Variants in VPS13C observed in about 807,000 individuals in gnomAD.
The protein encoded by VPS13C is intermembrane lipid transfer protein VPS13C.
Under a neutral mutation model 456.8 loss-of-function variants are expected in VPS13C, and 358 were observed. The observed-to-expected ratio is 0.78, with a 90% CI of 0.72 to 0.86. VPS13C has a LOEUF of 0.86. Among genes scored for constraint, VPS13C ranks in the 40% least tolerant of loss-of-function variants. The pLI is 0.00. For synonymous variants in VPS13C, 1,578 were observed against 1,486.7 expected, an observed-to-expected ratio of 1.06 and a Z score of -1.41; for missense variants, 4,818 against 4,385.4, an observed-to-expected ratio of 1.10 and a Z score of -2.79.
In VPS13C at chr15:61,890,376, C is replaced by T. The variant is rs748954378; in HGVS notation, c.9130G>A (p.Asp3044Asn). 1.2e-6 allele frequency: 2 copies of T among 1,613,840 alleles called. No homozygotes were observed. Among genetic ancestry groups the T allele is most frequent in the African/African-American group, 1.3e-5 (1 of 74,902 alleles). The change falls in exon 67 of 85, where the codon GAT becomes AAT. Residue 3044 changes from aspartate to asparagine, a missense_variant. Around this residue, in one of 3 missense-constraint regions of VPS13C, gnomAD observed 4,552 missense variants for 4,130.6 expected, o/e 1.10. Coordinates refer to ENST00000644861, the MANE Select transcript of VPS13C (RefSeq NM_020821.3). The stretch of plus-strand genomic sequence containing the variant: ...ACCCAGTGTATCTGGATGTTTGCAT[C>T]ATATGGAAACTGTCCACATCCATCC... ...LKDGCGQFPY[D>N]ANIQIHWVSF...
At chr15:61,875,194 C>T (rs1362742817) in intron 76 of VPS13C, among the ~76,000 whole-genome samples, 1 of 152,014 alleles carries the variant, frequency 6.6e-6, no homozygotes, top group African/African-American at 2.4e-5. Context: ...AAATCACTGG[C>T]TTCAATTACA....
At chr15:61,991,158 T>C in intron 17 of VPS13C, 64 bp from the exon 18 acceptor site, 1 of 1,209,872 alleles carries the variant, frequency 8.3e-7, no homozygotes, top group South Asian at 1.3e-5. Context: ...CTAAAAAGAC[T>C]AACCAAACTA....
intron 9 of VPS13C, 28 bp downstream of exon 9, chr15:62,020,451 T>C (rs1268889032): frequency 2.6e-5 from 41 of 1,595,184 alleles, no homozygotes; most frequent in Admixed American, 5.2e-5. Flanking sequence ...ACAGGTTCCA[T>C]AGAAGTTTAA....
intron 45 of VPS13C, 34 bp from the exon 46 acceptor site, chr15:61,942,101 G>A: frequency 5.4e-6 from 8 of 1,493,780 alleles, no homozygotes; most frequent in East Asian, 4.6e-5. Flanking sequence ...GGGGAAAAAA[G>A]GCATTTATTT....
At position 61,946,358 on chromosome 15, in the gene VPS13C, T is replaced by A; in HGVS notation, c.4929A>T (p.Arg1643Ser). ...VKPKQTDVFA[R>S]LKDIIVMNVD... The stretch of plus-strand genomic sequence containing the variant: ...CATTCATAACTATAATATCTTTAAG[T>A]CTGGCAAACACATCAGTCTGCTTAG... Residue 1643 changes from arginine (R) to serine (S), a missense_variant, in exon 44 of 85, where the codon AGA becomes AGT. Physicochemically the swap from Arg to Ser is moderately radical, Grantham distance 110. Transcript: ENST00000644861. 2 of 1,609,868 alleles carry A rather than the reference T, an allele frequency of 1.2e-6. No individual in the cohort carries two copies. Among genetic ancestry groups the A allele is most frequent in the Non-Finnish European group, 1.7e-6 (2 of 1,178,180 alleles).
Position 61,951,914 on chromosome 15 carries a change from G to A in VPS13C, c.4366C>T (p.Gln1456Ter). ...GRPLHELNVL[Q>*]LGMEAKVKTY... ...TTAACTTTAGCTTCCATTCCAAGTT[G>A]CAGGACATTTAGCTCATGTAAAGGC... The change falls in exon 39 of 85, where the codon CAA becomes TAA. Residue 1456 changes from glutamine (Q) to a stop codon, truncating the protein, a stop_gained. Transcript: ENST00000644861. LOFTEE classifies it high-confidence loss of function. 1 of 1,613,750 alleles carries A rather than the reference G, an allele frequency of 6.2e-7. No individual in the cohort carries two copies. Among genetic ancestry groups the A allele is most frequent in the South Asian group, 1.1e-5 (1 of 91,036 alleles).
chr15:61,939,012 T>C (rs1596357016), intron 47 of VPS13C, among the ~76,000 whole-genome samples: 1 of 152,252 alleles, frequency 6.6e-6, no homozygotes, highest in East Asian at 1.9e-4. Flanking sequence ...ACTTTTTTCA[T>C]TTTTATGTTC....
intron 18 of VPS13C, among the ~76,000 whole-genome samples, chr15:61,987,367 C>G (rs1567077291): frequency 6.6e-6 from 1 of 152,168 alleles, no homozygotes; most frequent in Non-Finnish European, 1.5e-5. Context: ...ACCCACAGTT[C>G]CACACGGCTG....
At chr15:61,922,801 C>T (rs746728158) in intron 53 of VPS13C, 39 bp from the exon 54 acceptor site, 3 of 1,497,148 alleles carry the variant, frequency 2.0e-6, no homozygotes, top group South Asian at 1.4e-5. Flanking sequence ...ATAATAAATT[C>T]TTTCCCAGAT....
At chr15:61,877,757 T>C (rs1363558254) in intron 74 of VPS13C, among the ~76,000 whole-genome samples, 1 of 151,986 alleles carries the variant, frequency 6.6e-6, no homozygotes, top group Non-Finnish European at 1.5e-5. Flanking sequence ...GATTTTAAAA[T>C]AGAATCGCTC....
At chr15:61,962,114 A>T (rs1300869058) in intron 34 of VPS13C, among the ~76,000 whole-genome samples, 1 of 152,016 alleles carries the variant, frequency 6.6e-6, no homozygotes, top group East Asian at 1.9e-4. Context: ...ACAGAGAAAA[A>T]TTTTTTTCCA....
At chr15:62,015,653 A>G (rs2047211591) in intron 9 of VPS13C, among the ~76,000 whole-genome samples, 1 of 141,122 alleles carries the variant, frequency 7.1e-6, no homozygotes, top group Non-Finnish European at 1.5e-5. Context: ...GGAAACCATC[A>G]TTCTCAGTAA....
chr15:62,045,935 T>C (rs1007138079), intron 1 of VPS13C, among the ~76,000 whole-genome samples: 2 of 152,128 alleles, frequency 1.3e-5, no homozygotes, highest in African/African-American at 2.4e-5. Context: ...TTGACCTAAA[T>C]TTAAAAGTAT....
chr15:61,889,608 T>C (rs925198152), intron 67 of VPS13C, among the ~76,000 whole-genome samples: 1 of 152,178 alleles, frequency 6.6e-6, no homozygotes, highest in African/African-American at 2.4e-5. Context: ...CAGGTATAAA[T>C]AGAACTGGAG....
chr15:61,972,793 G>C (rs1284413650), intron 26 of VPS13C, 29 bp from the exon 27 acceptor site: 2 of 1,584,786 alleles, frequency 1.3e-6, no homozygotes, highest in Admixed American at 1.8e-5. Flanking sequence ...TATTTGATCT[G>C]AGACAATGTA....
At chr15:61,893,622 T>C (rs2042717416) in intron 66 of VPS13C, among the ~76,000 whole-genome samples, 2 of 150,276 alleles carry the variant, frequency 1.3e-5, no homozygotes, top group African/African-American at 2.5e-5. Flanking sequence ...AATCCACTCA[T>C]ATATCTAGTA....
At position 61,951,994 on chromosome 15, in the gene VPS13C, C is replaced by G. The variant is rs769000915; in HGVS notation, c.4300-14G>C. On this transcript the variant is annotated splice_polypyrimidine_tract_variant and intron_variant, in intron 38 of 84. Coordinates refer to ENST00000644861, the MANE Select transcript of VPS13C (RefSeq NM_020821.3). ...AGTAACCACAACCTAAAAAACGGTA[C>G]CAGTATTACCACCAACTATTTCACC... 2 of 1,609,892 alleles carry G rather than the reference C, an allele frequency of 1.2e-6. No individual in the cohort carries two copies. The highest frequency in any genetic ancestry group is 1.7e-6 in the Non-Finnish European group (2 of 1,178,276).
chr15:61,936,626 T>A lies in VPS13C; in HGVS notation c.5726A>T (p.Asp1909Val), dbSNP rs141823949. 59 of 1,585,620 alleles carry A rather than the reference T, an allele frequency of 3.7e-5. No individual in the cohort carries two copies. The highest frequency in any genetic ancestry group is 5.0e-5 in the Non-Finnish European group (59 of 1,169,460). Reference sequence around the variant, plus strand: ...GAGATGGTCAGGTACACTTGAAACATCAACTTTTCTCACTCTTACAGTCTC... The same window carrying A: ...GAGATGGTCAGGTACACTTGAAACAACAACTTTTCTCACTCTTACAGTCTC... ...VQETVRVRKV[D>V]VSSVPDHLKE... Residue 1909 changes from aspartate (D) to valine (V), a missense_variant, in exon 48 of 85, where the codon GAT becomes GTT. Around this residue, in one of 3 missense-constraint regions of VPS13C, gnomAD observed 4,552 missense variants for 4,130.6 expected, o/e 1.10. Coordinates refer to ENST00000644861, the MANE Select transcript of VPS13C (RefSeq NM_020821.3).
chr15:62,038,314 C>T (rs186148542), intron 3 of VPS13C, among the ~76,000 whole-genome samples: 11 of 152,218 alleles, frequency 7.2e-5, no homozygotes, highest in East Asian at 1.9e-4. Context: ...CTAGGCCAAG[C>T]GTGGTGACTC....
Sources: allele counts gnomAD v4.1 joint callset (sites outside exome capture counted in the v4.1 genomes callset), GRCh38; gene constraint gnomAD v4.1.1; regional missense constraint gnomAD v4.1.1; transcripts MANE v1.5; gene names NCBI Gene and HGNC (gene_info 2026-07-23, HGNC 2026-07-21).